The following TSHZ2 variants were observed in gnomAD, a reference collection of about 807,000 sequenced individuals.
TSHZ2 encodes teashirt zinc finger homeobox 2.
Under a neutral mutation model 74.4 loss-of-function variants are expected in TSHZ2, and 21 were observed. The ratio of observed to expected loss-of-function variants is 0.28; its 90% CI spans 0.20 to 0.41. The LOEUF (loss-of-function observed/expected upper bound fraction) is 0.41. Among genes scored for constraint, TSHZ2 ranks in the 10% least tolerant of loss-of-function variants. The pLI, the probability that TSHZ2 is intolerant of heterozygous loss-of-function variation, is 1.00. For missense variants in TSHZ2, 1,244 were observed against 1,293.5 expected (o/e 0.96, Z 0.59); for synonymous variants, 540 against 515.3 (o/e 1.05, Z -0.65).
chr20:53,198,625 A>G (rs1269251565), intron 1 of TSHZ2, among the ~76,000 whole-genome samples: 1 of 151,944 alleles, frequency 6.6e-6, no homozygotes, highest in African/African-American at 2.4e-5. Flanking sequence ...TTTTTTTTTC[A>G]CTATTTCAAA....
chr20:53,188,286 C>T (rs935919558), intron 1 of TSHZ2, among the ~76,000 whole-genome samples: 2 of 152,166 alleles, frequency 1.3e-5, no homozygotes, highest in Non-Finnish European at 2.9e-5. Flanking sequence ...AGCTCTACAG[C>T]CGAGGGGACT....
At chr20:53,441,102 A>C (rs1218527910) in intron 2 of TSHZ2, among the ~76,000 whole-genome samples, 1 of 152,088 alleles carries the variant, frequency 6.6e-6, no homozygotes, top group Non-Finnish European at 1.5e-5. Flanking sequence ...GGCATGGGAG[A>C]CCTGAGTGGT....
intron 1 of TSHZ2, among the ~76,000 whole-genome samples, chr20:53,216,046 C>A (rs1440044047): frequency 6.6e-6 from 1 of 152,084 alleles, no homozygotes; most frequent in Non-Finnish European, 1.5e-5. Context: ...TTGGCCAAGA[C>A]CTTCTTCCCC....
At position 53,254,773 on chromosome 20, in the gene TSHZ2, G is replaced by C. The variant is rs370631436; in HGVS notation, c.1315G>C (p.Asp439His). Reference protein sequence around the residue: ...MQSLSEAPNSDSLAPKPSSNS... With the variant: ...MQSLSEAPNSHSLAPKPSSNS... ...GTCGTTGTCTGAGGCCCCAAACAGTGATTCTCTGGCTCCCAAGCCATCCAG... is the reference window on the plus strand; with the variant it reads ...GTCGTTGTCTGAGGCCCCAAACAGTCATTCTCTGGCTCCCAAGCCATCCAG... The change falls in exon 2 of 3, where the codon GAT becomes CAT. Residue 439 changes from aspartate to histidine, a missense_variant. By Grantham distance (81) the Asp-to-His change is moderately conservative. Coordinates refer to ENST00000371497, the MANE Select transcript of TSHZ2 (RefSeq NM_173485.6). 3.7e-6 allele frequency: 6 copies of C among 1,613,220 alleles called. No homozygotes were observed. The African/African-American group carries it at 8.0e-5, about 22-fold the overall frequency.
At chr20:52,999,598 C>A (rs1199455680) in intron 1 of TSHZ2, among the ~76,000 whole-genome samples, 2 of 152,162 alleles carry the variant, frequency 1.3e-5, no homozygotes, top group Non-Finnish European at 2.9e-5. Flanking sequence ...CTGAGCAGAG[C>A]AAACGGCCAG....
At chr20:53,082,850 C>T (rs1304372185) in intron 1 of TSHZ2, among the ~76,000 whole-genome samples, 1 of 152,222 alleles carries the variant, frequency 6.6e-6, no homozygotes, top group Non-Finnish European at 1.5e-5. Flanking sequence ...AGAAACTGTC[C>T]ATGCCAAATC....
intron 2 of TSHZ2, among the ~76,000 whole-genome samples, chr20:53,295,618 C>T (rs1991361854): frequency 6.6e-6 from 1 of 152,070 alleles, no homozygotes; most frequent in Admixed American, 6.5e-5. Flanking sequence ...ACTTTAATCA[C>T]TAGACTAAAT....
chr20:53,021,504 A>G (rs2024672), intron 1 of TSHZ2, among the ~76,000 whole-genome samples: 100,227 of 152,098 alleles, frequency 0.66, 33,337 homozygotes, highest in Non-Finnish European at 0.7. Flanking sequence ...CCTCTACTTA[A>G]CAATGCCTGT....
intron 2 of TSHZ2, among the ~76,000 whole-genome samples, chr20:53,444,997 T>C (rs1984497348): frequency 2.0e-5 from 3 of 152,186 alleles, no homozygotes; most frequent in Admixed American, 6.5e-5. Flanking sequence ...GCCGATGTGG[T>C]TCAGTAACCT....
chr20:53,077,493 G>T (rs573514326), intron 1 of TSHZ2, among the ~76,000 whole-genome samples: 2 of 152,212 alleles, frequency 1.3e-5, no homozygotes, highest in South Asian at 4.2e-4. Context: ...GTTTGAGAAG[G>T]GAGAGTTAGC....
At chr20:53,321,124 G>C (rs994556825) in intron 2 of TSHZ2, among the ~76,000 whole-genome samples, 1 of 152,130 alleles carries the variant, frequency 6.6e-6, no homozygotes, top group African/African-American at 2.4e-5. Flanking sequence ...GGGCGCAACA[G>C]GTTTTCAATA....
At chr20:53,277,824 C>T (rs189735973) in intron 2 of TSHZ2, among the ~76,000 whole-genome samples, 11 of 152,348 alleles carry the variant, frequency 7.2e-5, no homozygotes, top group African/African-American at 1.7e-4. Context: ...CCTGTGGAAG[C>T]AGTGAGCAGA....
intron 1 of TSHZ2, among the ~76,000 whole-genome samples, chr20:53,103,039 T>TTA (rs1363540073): frequency 6.6e-6 from 1 of 152,214 alleles, no homozygotes. Context: ...TAATTGACTG[T>TTA]TTCTTTATAA....
intron 2 of TSHZ2, among the ~76,000 whole-genome samples, chr20:53,387,197 C>G (rs9967920): frequency 6.6e-6 from 1 of 152,148 alleles, no homozygotes; most frequent in Non-Finnish European, 1.5e-5. Context: ...TCCACGGGAT[C>G]TCACTTTCCA....
chr20:53,235,370 A>G (rs991953786), intron 1 of TSHZ2, among the ~76,000 whole-genome samples: 1 of 151,710 alleles, frequency 6.6e-6, no homozygotes, highest in Non-Finnish European at 1.5e-5. Flanking sequence ...GGGTTTCACC[A>G]TGTTGGCCAT....
At chr20:53,219,455 C>A (rs1431002631) in intron 1 of TSHZ2, among the ~76,000 whole-genome samples, 1 of 152,154 alleles carries the variant, frequency 6.6e-6, no homozygotes, top group African/African-American at 2.4e-5. Flanking sequence ...GCATAGTTAG[C>A]ACTATAACTT....
At position 53,185,579 on chromosome 20, in the gene TSHZ2, C is replaced by T. The variant is rs896301483; in HGVS notation, c.41-67920C>T. On this transcript the variant is annotated intron_variant, in intron 1 of 2. Transcript: ENST00000371497. ...AGGTTGCAGTGAGCTGAGATCACGC[C>T]ACTGCACTCCAGCTGGGGATACAGA... The T allele has an allele frequency of 5.9e-6, 9 of 1,512,750 alleles. No homozygotes were observed. In the African/African-American group the frequency reaches 9.7e-5, roughly 16 times the overall value. 93.7% of individuals were successfully genotyped at this position (1,512,750 alleles called of 1,614,324 possible).
In TSHZ2 at chr20:53,473,412, G is replaced by A. The variant is rs980577119; in HGVS notation, c.*9-13732G>A. 1.8e-4 allele frequency among the ~76,000 whole-genome samples: 25 copies of A among 140,906 alleles called. 2 individuals are homozygous for A. Among genetic ancestry groups the A allele is most frequent in the Admixed American group, 7.0e-4 (10 of 14,194 alleles). The allele number at this position is 140,906 out of a possible 152,430, so 92.4% of individuals were successfully genotyped here. On this transcript the variant is annotated intron_variant, in intron 2 of 2. Transcript: ENST00000371497. ...GCAGGGGCACACTGACACCTCACAC[G>A]GCAGGGTATTCCAACAGACCTGTGG...
At chr20:53,206,624 G>T (rs1989176235) in intron 1 of TSHZ2, 1 of 152,200 alleles carries the variant, frequency 6.6e-6, no homozygotes, top group East Asian at 1.9e-4. Context: ...AAAAACATTT[G>T]AAGAGTATCA....
Sources: allele counts gnomAD v4.1 joint callset (sites outside exome capture counted in the v4.1 genomes callset), GRCh38; gene constraint gnomAD v4.1.1; transcripts MANE v1.5; gene names NCBI Gene and HGNC (gene_info 2026-07-23, HGNC 2026-07-21).